Variants in SLC44A5 observed in about 807,000 individuals in gnomAD.
SLC44A5 encodes choline transporter-like protein 5.
Under a neutral mutation model 101.8 loss-of-function variants are expected in SLC44A5, and 57 were observed. That is an observed-to-expected ratio of 0.56 (90% CI 0.45 to 0.70). The LOEUF is 0.70. Among genes scored for constraint, SLC44A5 ranks in the 30% least tolerant of loss-of-function variants. The probability of loss-of-function intolerance (pLI) is 0.00; values close to 1 mark genes in which losing one functional copy is unlikely to be tolerated. For missense variants in SLC44A5, 737 were observed against 853.1 expected, an observed-to-expected ratio of 0.86 and a Z score of 1.70; for synonymous variants, 281 against 290.9, an observed-to-expected ratio of 0.97 and a Z score of 0.35.
At chr1:75,618,376 A>T in the SLC44A5 span, among the ~76,000 whole-genome samples, 1 of 152,242 alleles carries the variant, frequency 6.6e-6, no homozygotes. Flanking sequence ...ACCAAAAGAC[A>T]TTAAGGCCAC....
chr1:75,597,670 C>G (rs1031973840), intron 1 of SLC44A5, among the ~76,000 whole-genome samples: 2 of 152,162 alleles, frequency 1.3e-5, no homozygotes, highest in African/African-American at 4.8e-5. Context: ...TGATCTTCAG[C>G]AAACCTGACA....
chr1:75,356,709 A>G (rs1283044788), intron 3 of SLC44A5, among the ~76,000 whole-genome samples: 2 of 152,160 alleles, frequency 1.3e-5, no homozygotes, highest in Non-Finnish European at 2.9e-5. Flanking sequence ...GACTCACTCA[A>G]AGCAACTTCC....
intron 6 of SLC44A5, among the ~76,000 whole-genome samples, chr1:75,265,604 G>A (rs1045217809): frequency 3.3e-5 from 5 of 152,206 alleles, no homozygotes; most frequent in South Asian, 4.1e-4. Flanking sequence ...AAATACTTAG[G>A]TGATGAATAC....
chr1:75,524,306 G>A (rs556165051), intron 2 of SLC44A5, among the ~76,000 whole-genome samples: 3 of 152,104 alleles, frequency 2.0e-5, no homozygotes, highest in Non-Finnish European at 4.4e-5. Flanking sequence ...CGTGTCTCCT[G>A]TACAGCCTAT....
At chr1:75,500,321 A>C (rs1668889358) in intron 2 of SLC44A5, among the ~76,000 whole-genome samples, 1 of 152,246 alleles carries the variant, frequency 6.6e-6, no homozygotes, top group Non-Finnish European at 1.5e-5. Context: ...GTAAATAATA[A>C]GAAATTAATG....
intron 1 of SLC44A5, among the ~76,000 whole-genome samples, chr1:75,595,933 T>C (rs1423481597): frequency 6.6e-6 from 1 of 152,158 alleles, no homozygotes; most frequent in Non-Finnish European, 1.5e-5. Context: ...TCACATTCAT[T>C]TGTACCTTTT....
chr1:75,310,729 C>T (rs2100912091), intron 4 of SLC44A5, among the ~76,000 whole-genome samples: 1 of 152,068 alleles, frequency 6.6e-6, no homozygotes, highest in South Asian at 2.1e-4. Flanking sequence ...TTATTAAATA[C>T]TAAATAGAAA....
chr1:75,252,712 T>C (rs1649683839), intron 6 of SLC44A5, among the ~76,000 whole-genome samples: 1 of 152,046 alleles, frequency 6.6e-6, no homozygotes, highest in East Asian at 1.9e-4. Context: ...CCATGCCCAT[T>C]TGAGCAGGGA....
the SLC44A5 span, among the ~76,000 whole-genome samples, chr1:75,709,045 G>A: frequency 8.3e-4 from 127 of 152,246 alleles, no homozygotes; most frequent in Middle Eastern, 0.024. Flanking sequence ...CCCGGATACT[G>A]ATGAGTTGTT....
chr1:75,635,431 T>C, the SLC44A5 span, among the ~76,000 whole-genome samples: 1 of 151,878 alleles, frequency 6.6e-6, no homozygotes, highest in Non-Finnish European at 1.5e-5. Context: ...AATGATAGAC[T>C]GGATTAAGAA....
intron 1 of SLC44A5, among the ~76,000 whole-genome samples, chr1:75,558,035 A>T (rs1236847674): frequency 6.6e-6 from 1 of 152,154 alleles, no homozygotes; most frequent in Non-Finnish European, 1.5e-5. Context: ...GAAATAAAGC[A>T]TAGTAACTAT....
chr1:75,300,037 A>G (rs1453417514), intron 5 of SLC44A5, among the ~76,000 whole-genome samples: 1 of 150,586 alleles, frequency 6.6e-6, no homozygotes, highest in Non-Finnish European at 1.5e-5. Context: ...AAAAAAAAAA[A>G]AAAATTTCAA....
At chr1:75,337,734 C>A (rs886670479) in intron 4 of SLC44A5, among the ~76,000 whole-genome samples, 2 of 152,178 alleles carry the variant, frequency 1.3e-5, no homozygotes, top group African/African-American at 4.8e-5. Flanking sequence ...CTCTCCTATG[C>A]ATGACCATCA....
At chr1:75,302,049 C>A (rs548467844) in intron 4 of SLC44A5, among the ~76,000 whole-genome samples, 1 of 133,428 alleles carries the variant, frequency 7.5e-6, no homozygotes, top group East Asian at 2.5e-4. Context: ...TTTTTAATTT[C>A]ATTTGAATTT....
intron 13 of SLC44A5, among the ~76,000 whole-genome samples, chr1:75,226,801 A>G (rs887843470): frequency 2.0e-5 from 3 of 152,178 alleles, no homozygotes; most frequent in Admixed American, 2.0e-4. Context: ...TACAAGGAGT[A>G]TTACAATAAC....
At chr1:75,656,348 A>T in the SLC44A5 span, among the ~76,000 whole-genome samples, 1 of 152,232 alleles carries the variant, frequency 6.6e-6, no homozygotes, top group African/African-American at 2.4e-5. Context: ...GTAAGTACAC[A>T]CACAAATTTG....
At chr1:75,388,848 A>C (rs1002102281) in intron 3 of SLC44A5, among the ~76,000 whole-genome samples, 9 of 151,928 alleles carry the variant, frequency 5.9e-5, no homozygotes, top group Non-Finnish European at 2.9e-5. Context: ...TAAACACCCC[A>C]CTAAAAGGCA....
At chr1:75,450,630 C>T (rs1012296686) in intron 2 of SLC44A5, among the ~76,000 whole-genome samples, 1 of 152,178 alleles carries the variant, frequency 6.6e-6, no homozygotes, top group Non-Finnish European at 1.5e-5. Context: ...AGACTTGTAG[C>T]CACAGCCAGC....
intron 6 of SLC44A5, among the ~76,000 whole-genome samples, chr1:75,271,300 A>T (rs1221598199): frequency 1.3e-5 from 2 of 152,008 alleles, no homozygotes; most frequent in Non-Finnish European, 2.9e-5. Context: ...AATTATTTTT[A>T]AAAATGTTAA....
Sources: gnomAD v4.1 joint callset for allele counts (sites outside exome capture counted in the v4.1 genomes callset) on GRCh38, gnomAD v4.1.1 for gene constraint, MANE v1.5 for transcripts, NCBI Gene and HGNC (gene_info 2026-07-23, HGNC 2026-07-21) for gene names.